The following POLQ variants were observed in gnomAD, a reference collection of about 807,000 sequenced individuals.
POLQ encodes the protein epididymis secretory sperm binding protein.
A neutral mutation model predicts 259.2 loss-of-function variants in POLQ; 233 were observed. The ratio of observed to expected loss-of-function variants is 0.90; its 90% CI spans 0.81 to 1.00. The LOEUF (loss-of-function observed/expected upper bound fraction) is 1.00. Among genes scored for constraint, POLQ ranks in the 50% least tolerant of loss-of-function variants. The pLI, the probability that POLQ is intolerant of heterozygous loss-of-function variation, is 0.00. For synonymous variants in POLQ, 1,025 were observed against 1,048.8 expected (o/e 0.98, Z 0.44); for missense variants, 2,871 against 3,051.6 (o/e 0.94, Z 1.39).
At chr3:121,452,230 C>A (rs527651157) in intron 25 of POLQ, among the ~76,000 whole-genome samples, 1 of 152,308 alleles carries the variant, frequency 6.6e-6, no homozygotes, top group Admixed American at 6.5e-5. Context: ...ACCCCTTGTG[C>A]TTCCCAGGTG....
intron 12 of POLQ, among the ~76,000 whole-genome samples, chr3:121,503,791 C>G (rs760556627): frequency 1.3e-5 from 2 of 152,086 alleles, no homozygotes; most frequent in Non-Finnish European, 2.9e-5. Flanking sequence ...ATAAATACTA[C>G]GTAAATAGCT....
At position 121,522,099 on chromosome 3, in the gene POLQ, G is replaced by A. The variant is rs937042614; in HGVS notation, c.1159C>T (p.Leu387Phe). The change falls in exon 8 of 30, where the codon CTC (leucine) becomes TTC (phenylalanine). Residue 387 changes from leucine (L) to phenylalanine (F), a missense_variant. Transcript: ENST00000264233. ...CTTAACTGATCCATCACTTCCAGGAGTTCTTTTTGTTCCAGAATTACTGGT... is the reference window on the plus strand; with the variant it reads ...CTTAACTGATCCATCACTTCCAGGAATTCTTTTTGTTCCAGAATTACTGGT... ...CPPVILEQKE[L>F]LEVMDQLRRL... 6.2e-7 allele frequency: 1 copy of A among 1,610,088 alleles called. No individual in the cohort carries two copies. The highest frequency in any genetic ancestry group is 8.5e-7 in the Non-Finnish European group (1 of 1,178,074).
intron 12 of POLQ, among the ~76,000 whole-genome samples, chr3:121,505,798 T>C (rs1030421920): frequency 1.3e-5 from 2 of 150,232 alleles, no homozygotes; most frequent in African/African-American, 4.9e-5. Context: ...CACCTGAGGT[T>C]AGAAGTTCAA....
rs539278716 is a variant in POLQ, at chr3:121,501,388, G to A, written c.1960-2718C>T. Among the ~76,000 whole-genome samples the A allele has an allele frequency of 3.9e-3, 596 of 151,798 alleles. 4 individuals are homozygous for A. The highest frequency in any genetic ancestry group is 0.014 in the African/African-American group (563 of 41,422). On this transcript the variant is annotated intron_variant, in intron 12 of 29. Coordinates refer to ENST00000264233, the MANE Select transcript of POLQ (RefSeq NM_199420.4). ...TTATAAGAAATGCTAGGCCGGGCGC[G>A]GTGGCTCACGCCTGTAATCCCAGCA...
chr3:121,498,683 A>G lies in POLQ; in HGVS notation c.1960-13T>C. 1 of 1,561,228 alleles carries G rather than the reference A, an allele frequency of 6.4e-7. No individual in the cohort carries two copies. Among genetic ancestry groups the G allele is most frequent in the Non-Finnish European group, 8.8e-7 (1 of 1,137,060 alleles). On this transcript the variant is annotated splice_polypyrimidine_tract_variant and intron_variant, in intron 12 of 29. Coordinates refer to ENST00000264233, the MANE Select transcript of POLQ (RefSeq NM_199420.4). The stretch of plus-strand genomic sequence containing the variant: ...ACATAGGTGTAACCTAAAAGGAAGA[A>G]GTATTATTCATTAACTAAAACTATT...
rs369970918 is a variant in POLQ at position 121,539,557 on chromosome 3, G to A, written c.507C>T (p.Asp169=). The change falls in exon 4 of 30, where the codon GAC becomes GAT. Residue 169 remains aspartate, a synonymous_variant. Coordinates refer to ENST00000264233, the MANE Select transcript of POLQ (RefSeq NM_199420.4). ...SLFQEVGIKV[D]GYMGSTSPSR... is the part of the protein sequence containing the mutation. ...ATGGAGAGGTGCTGCCCATATAACC[G>A]TCTACTTTTATTCCTACTTCCTGAA... 22 of 1,612,102 alleles carry A rather than the reference G, an allele frequency of 1.4e-5. No individual in the cohort carries two copies. The highest frequency in any genetic ancestry group is 6.6e-5 in the South Asian group (6 of 90,958).
rs2047654306 is a variant in POLQ, at chr3:121,449,308, A to C, written c.7264+7T>G. ...TTGAAAAGAATACTATCTAGAAGAT[A>C]AATTACCTGTGTATCTGGATTTGAA... On this transcript the variant is annotated splice_region_variant and intron_variant, in intron 26 of 29. Coordinates refer to ENST00000264233, the MANE Select transcript of POLQ (RefSeq NM_199420.4). 15 of 1,312,054 alleles carry C rather than the reference A, an allele frequency of 1.1e-5. No homozygotes were observed. Among genetic ancestry groups the C allele is most frequent in the Admixed American group, 1.7e-5 (1 of 59,310 alleles). The allele number at this position is 1,312,054 out of a possible 1,614,324, so 81.3% of individuals were successfully genotyped here.
At chr3:121,452,493 GTT>G (rs56099335) in intron 25 of POLQ, among the ~76,000 whole-genome samples, 45 of 138,826 alleles carry the variant, frequency 3.2e-4, no homozygotes, top group East Asian at 4.2e-4. Context: ...TGTTACTCCT[GTT>G]TTTTTTTTTT....
intron 12 of POLQ, among the ~76,000 whole-genome samples, chr3:121,505,899 G>A (rs1295061416): frequency 1.3e-5 from 2 of 150,884 alleles, no homozygotes; most frequent in African/African-American, 2.4e-5. Flanking sequence ...GCGCATGTCT[G>A]TAATCCCAGC....
chr3:121,472,016 G>T lies in POLQ; in HGVS notation c.6692C>A (p.Pro2231His). 1 of 1,570,864 alleles carries T rather than the reference G, an allele frequency of 6.4e-7. No individual in the cohort carries two copies. The highest frequency in any genetic ancestry group is 8.7e-7 in the Non-Finnish European group (1 of 1,150,050). Reference sequence around the variant, plus strand: ...TGTAGCAGTGTGCGACTGTGATACAGGATAGATTCTTTCCATTCCAAGAAA... The same window carrying T: ...TGTAGCAGTGTGCGACTGTGATACATGATAGATTCTTTCCATTCCAAGAAA... The part of the protein sequence containing the change: ...NPFLGMERIY[P>H]VSQSHTATGR... Residue 2231 changes from proline to histidine, a missense_variant, in exon 22 of 30, where the codon CCT becomes CAT. By Grantham distance (77) the Pro-to-His change is moderately conservative. This residue lies in a region of POLQ where 2,080 missense variants were observed against 2,126.0 expected (regional missense o/e 0.98). Transcript: ENST00000264233.
At chr3:121,539,412 C>T (rs1404135993) in intron 4 of POLQ, 21 bp downstream of exon 4, 1 of 1,546,460 alleles carries the variant, frequency 6.5e-7, no homozygotes, top group Admixed American at 1.9e-5. Flanking sequence ...AAAGTATTTA[C>T]TTATTTTCTA....
In POLQ at chr3:121,500,698, T is replaced by G. The variant is rs139554057; in HGVS notation, c.1960-2028A>C. Among the ~76,000 whole-genome samples, 10 of 152,186 alleles carry G rather than the reference T, an allele frequency of 6.6e-5. No individual in the cohort carries two copies. The East Asian group carries it at 1.7e-3, about 26-fold the overall frequency. Reference sequence around the variant, plus strand: ...AGTATTCCAAATTTGATGGACAACATTAACCTACATATCCAAGAAACTCAG... The same window carrying G: ...AGTATTCCAAATTTGATGGACAACAGTAACCTACATATCCAAGAAACTCAG... On this transcript the variant is annotated intron_variant, in intron 12 of 29. Coordinates refer to ENST00000264233, the MANE Select transcript of POLQ (RefSeq NM_199420.4).
At chr3:121,535,715 C>A (rs1221245125) in intron 5 of POLQ, among the ~76,000 whole-genome samples, 651 of 106,972 alleles carry the variant, frequency 6.1e-3, no homozygotes, top group Middle Eastern at 0.015. Flanking sequence ...AACTCCATCT[C>A]AAAAAAAAAA....
At chr3:121,537,651 G>A (rs548704589) in intron 4 of POLQ, among the ~76,000 whole-genome samples, 51 of 152,018 alleles carry the variant, frequency 3.4e-4, no homozygotes, top group Admixed American at 7.9e-4. Context: ...TTATGACTGC[G>A]CCAAGAAGAC....
intron 2 of POLQ, among the ~76,000 whole-genome samples, chr3:121,544,112 T>C (rs572238924): frequency 3.3e-5 from 5 of 152,314 alleles, no homozygotes; most frequent in Admixed American, 2.0e-4. Flanking sequence ...CCCAGCACTT[T>C]GGGAGGCTAA....
chr3:121,467,299 C>T (rs1382017482), intron 24 of POLQ, among the ~76,000 whole-genome samples: 1 of 152,154 alleles, frequency 6.6e-6, no homozygotes, highest in Non-Finnish European at 1.5e-5. Flanking sequence ...CAGACTGCTG[C>T]TGCTGAGCAC....
At chr3:121,437,658 T>C (rs2047555095) in intron 27 of POLQ, among the ~76,000 whole-genome samples, 1 of 152,154 alleles carries the variant, frequency 6.6e-6, no homozygotes, top group Admixed American at 6.5e-5. Context: ...AAGTTGAAAA[T>C]ATGCAGCAAT....
At chr3:121,454,908 C>T (rs1226867850) in intron 25 of POLQ, among the ~76,000 whole-genome samples, 1 of 152,178 alleles carries the variant, frequency 6.6e-6, no homozygotes, top group Non-Finnish European at 1.5e-5. Flanking sequence ...GAACTCTCCA[C>T]CCCAAATCAA....
chr3:121,527,260 C>T (rs566364541), intron 7 of POLQ, among the ~76,000 whole-genome samples: 2 of 152,114 alleles, frequency 1.3e-5, no homozygotes, highest in African/African-American at 4.8e-5. Flanking sequence ...CAGGGTTTCA[C>T]CATGTTGTCC....
Sources: gnomAD v4.1 joint callset for allele counts (sites outside exome capture counted in the v4.1 genomes callset) on GRCh38, gnomAD v4.1.1 for gene constraint, gnomAD v4.1.1 regional missense constraint, MANE v1.5 for transcripts, NCBI Gene and HGNC (gene_info 2026-07-23, HGNC 2026-07-21) for gene names.